The following CNTNAP5 variants were observed in gnomAD, a reference collection of about 807,000 sequenced individuals.
CNTNAP5 encodes contactin-associated protein-like 5.
In CNTNAP5, 72 loss-of-function variants were observed where a neutral mutation model predicts 150.2. The observed-to-expected ratio is 0.48, with a 90% CI of 0.40 to 0.58. CNTNAP5 has a LOEUF of 0.58. Among genes scored for constraint, CNTNAP5 ranks in the 20% least tolerant of loss-of-function variants. The pLI, the probability that CNTNAP5 is intolerant of heterozygous loss-of-function variation, is 0.00. For synonymous variants in CNTNAP5, 672 were observed against 619.8 expected, an observed-to-expected ratio of 1.08 and a Z score of -1.25; for missense variants, 1,636 against 1,626.2, an observed-to-expected ratio of 1.01 and a Z score of -0.10.
At chr2:124,400,844 A>G (rs1372865351) in intron 3 of CNTNAP5, among the ~76,000 whole-genome samples, 3 of 151,916 alleles carry the variant, frequency 2.0e-5, no homozygotes, top group Non-Finnish European at 4.4e-5. Context: ...TGTTGTCAAC[A>G]GTCACTTCAT....
At chr2:124,028,133 A>C (rs1296479926) in intron 1 of CNTNAP5, among the ~76,000 whole-genome samples, 1 of 152,196 alleles carries the variant, frequency 6.6e-6, no homozygotes, top group Admixed American at 6.5e-5. Flanking sequence ...TTTTGAAGTA[A>C]TATGTCGTGA....
chr2:124,213,333 A>G (rs781632296), intron 1 of CNTNAP5, among the ~76,000 whole-genome samples: 2 of 152,204 alleles, frequency 1.3e-5, no homozygotes, highest in Non-Finnish European at 2.9e-5. Context: ...ACCATTGCAA[A>G]AATCATAACA....
rs115597746 is a variant in CNTNAP5 at position 124,608,637 on chromosome 2, A to G, written c.1757-1164A>G. Reference sequence around the variant, plus strand: ...CTACATGTTATGTACTATACTTAGTACTAGGTACATAAAAATAAGACAGTC... The same window carrying G: ...CTACATGTTATGTACTATACTTAGTGCTAGGTACATAAAAATAAGACAGTC... On this transcript the variant is annotated intron_variant, in intron 11 of 23. Coordinates refer to ENST00000682447, the MANE Select transcript of CNTNAP5 (RefSeq NM_001367498.1). 5.0e-3 allele frequency among the ~76,000 whole-genome samples: 767 copies of G among 152,306 alleles called. 5 individuals carry two copies. The highest frequency in any genetic ancestry group is 0.018 in the African/African-American group (732 of 41,584).
rs559878432 is a variant in CNTNAP5 at position 124,814,881 on chromosome 2, T to C, written c.3217+16561T>C. ...GGGAGGCAATTTAAAACAGGCAAAA[T>C]ATTGCATTAAAACAAAGAGAGGGGA... On this transcript the variant is annotated intron_variant, in intron 19 of 23. Coordinates refer to ENST00000682447, the MANE Select transcript of CNTNAP5 (RefSeq NM_001367498.1). Among the ~76,000 whole-genome samples the C allele has an allele frequency of 2.6e-5, 4 of 152,194 alleles. No individual in the cohort carries two copies. The East Asian group carries it at 7.7e-4, about 29-fold the overall frequency.
chr2:124,194,019 A>G (rs1003145572), intron 1 of CNTNAP5, among the ~76,000 whole-genome samples: 5 of 152,084 alleles, frequency 3.3e-5, no homozygotes, highest in Non-Finnish European at 7.3e-5. Context: ...CTTAGCTTGC[A>G]TCTTTCTTGC....
chr2:124,164,819 C>T (rs1684772360), intron 1 of CNTNAP5, among the ~76,000 whole-genome samples: 1 of 152,172 alleles, frequency 6.6e-6, no homozygotes, highest in Non-Finnish European at 1.5e-5. Context: ...ATATTCACCT[C>T]ACCTAGGTAA....
At chr2:124,653,911 A>ACCCCCCCCCCCCCCCCCCCCC (rs70996088) in intron 13 of CNTNAP5, among the ~76,000 whole-genome samples, 6 of 57,482 alleles carry the variant, frequency 1.0e-4, no homozygotes, top group Non-Finnish European at 1.7e-4. Context: ...ACTGCCCCCA[A>ACCCCCCCCCCCCCCCCCCCCC]CCCCCCCCCC....
chr2:124,152,943 G>A (rs1684440475), intron 1 of CNTNAP5, among the ~76,000 whole-genome samples: 1 of 152,144 alleles, frequency 6.6e-6, no homozygotes, highest in Admixed American at 6.5e-5. Context: ...AACTACTGGT[G>A]CGGCTCCATA....
At chr2:124,867,248 G>A (rs1053490268) in intron 20 of CNTNAP5, among the ~76,000 whole-genome samples, 2 of 152,150 alleles carry the variant, frequency 1.3e-5, no homozygotes, top group African/African-American at 4.8e-5. Flanking sequence ...GCATATCTCT[G>A]GGTAAAGAGA....
At chr2:124,714,660 A>C (rs2105109330) in intron 13 of CNTNAP5, among the ~76,000 whole-genome samples, 1 of 151,888 alleles carries the variant, frequency 6.6e-6, no homozygotes, top group East Asian at 1.9e-4. Flanking sequence ...ATAAATATAT[A>C]TTTTATAATA....
chr2:124,205,876 C>A (rs1228262862), intron 1 of CNTNAP5, among the ~76,000 whole-genome samples: 1 of 152,126 alleles, frequency 6.6e-6, no homozygotes, highest in African/African-American at 2.4e-5. Flanking sequence ...GTCATATGTA[C>A]ATGATAATTT....
At chr2:124,120,529 A>G (rs74395301) in intron 1 of CNTNAP5, among the ~76,000 whole-genome samples, 2,756 of 152,334 alleles carry the variant, frequency 0.018, 41 homozygotes, top group Middle Eastern at 0.041. Context: ...AAGAGTTATA[A>G]CAGGTTTAGA....
intron 1 of CNTNAP5, among the ~76,000 whole-genome samples, chr2:124,094,746 T>C (rs1207339900): frequency 1.3e-5 from 2 of 152,276 alleles, no homozygotes; most frequent in South Asian, 2.1e-4. Flanking sequence ...GATTTCCTGG[T>C]TGGAGGCATG....
chr2:124,818,174 G>A (rs1347979240), intron 19 of CNTNAP5, among the ~76,000 whole-genome samples: 1 of 152,122 alleles, frequency 6.6e-6, no homozygotes, highest in Admixed American at 6.6e-5. Context: ...CCTCTTCAAA[G>A]AGAGGTCTGG....
intron 10 of CNTNAP5, among the ~76,000 whole-genome samples, chr2:124,534,824 G>C (rs4283428): frequency 0.22 from 32,839 of 152,122 alleles, 3,760 homozygotes; most frequent in Middle Eastern, 0.36. Context: ...TTTATCAGCA[G>C]GGTCTTTATG....
intron 13 of CNTNAP5, among the ~76,000 whole-genome samples, chr2:124,655,941 G>GAAAA (rs1180720883): frequency 5.2e-5 from 3 of 58,138 alleles, no homozygotes; most frequent in Non-Finnish European, 6.9e-5. Flanking sequence ...GAGAGAGAGA[G>GAAAA]AGAGAGAAAG....
At chr2:124,822,067 A>G (rs1462473503) in intron 19 of CNTNAP5, among the ~76,000 whole-genome samples, 2 of 151,814 alleles carry the variant, frequency 1.3e-5, no homozygotes. Flanking sequence ...CTGCCACATT[A>G]CCCAGCCATT....
chr2:124,889,851 C>A (rs756487391), intron 21 of CNTNAP5, among the ~76,000 whole-genome samples: 1 of 151,898 alleles, frequency 6.6e-6, no homozygotes, highest in African/African-American at 2.4e-5. Flanking sequence ...ACAGTATTAT[C>A]GCCACTGTTA....
At chr2:124,290,754 G>A (rs987798142) in intron 3 of CNTNAP5, among the ~76,000 whole-genome samples, 5 of 152,108 alleles carry the variant, frequency 3.3e-5, no homozygotes, top group African/African-American at 1.2e-4. Context: ...AGGAACCCAT[G>A]AGTGTTTCAT....
Sources: allele counts gnomAD v4.1 joint callset (sites outside exome capture counted in the v4.1 genomes callset), GRCh38; gene constraint gnomAD v4.1.1; transcripts MANE v1.5; gene names NCBI Gene and HGNC (gene_info 2026-07-23, HGNC 2026-07-21).